YAP1: variants seen among roughly 807,000 people sequenced by gnomAD.
The protein encoded by YAP1 is transcriptional coactivator YAP1.
Under a neutral mutation model 56.9 loss-of-function variants are expected in YAP1, and 5 were observed. The observed-to-expected ratio is 0.09, with a 90% CI of 0.05 to 0.18. The LOEUF is 0.18. Ranked by LOEUF, YAP1 falls within the 10% of genes least tolerant of loss-of-function variation. YAP1 has a pLI of 1.00. For missense variants in YAP1, 539 were observed against 651.8 expected, an observed-to-expected ratio of 0.83 and a Z score of 1.88; for synonymous variants, 265 against 248.1, an observed-to-expected ratio of 1.07 and a Z score of -0.64.
intron 3 of YAP1, among the ~76,000 whole-genome samples, chr11:102,181,261 C>A (rs192307736): frequency 1.3e-5 from 2 of 151,486 alleles, no homozygotes; most frequent in East Asian, 3.9e-4. Context: ...CTGGCTAACA[C>A]GGTGAAACCC....
intron 2 of YAP1, among the ~76,000 whole-genome samples, chr11:102,161,924 G>A (rs1239945876): frequency 3.9e-5 from 6 of 152,194 alleles, no homozygotes; most frequent in Admixed American, 3.9e-4. Context: ...TTATTCAGGA[G>A]CCACAGGGGA....
Position 102,232,841 on chromosome 11 carries a change from A to C in YAP1, c.*2901A>C, listed in dbSNP as rs1263358948. 6.6e-6 allele frequency: 1 copy of C among 152,648 alleles called. No individual in the cohort carries two copies. Among genetic ancestry groups the C allele is most frequent in the Non-Finnish European group, 1.5e-5 (1 of 68,038 alleles). The allele number at this position is 152,648 out of a possible 1,614,324, so 9.5% of individuals were successfully genotyped here. On this transcript the variant is annotated 3_prime_UTR_variant, in exon 9 of 9. Coordinates refer to ENST00000282441, the MANE Select transcript of YAP1 (RefSeq NM_001130145.3). Reference sequence around the variant, plus strand: ...TTTGGAGTTTCAGATCTTCCAAAGCACTATTTGTTGTAATAACTTTTCTAA... The same window carrying C: ...TTTGGAGTTTCAGATCTTCCAAAGCCCTATTTGTTGTAATAACTTTTCTAA...
At chr11:102,120,658 T>C (rs936879031) in intron 2 of YAP1, among the ~76,000 whole-genome samples, 1 of 152,242 alleles carries the variant, frequency 6.6e-6, no homozygotes, top group Non-Finnish European at 1.5e-5. Flanking sequence ...CTTCTTCCAA[T>C]TGATTGCTTA....
At chr11:102,153,468 TGTCA>T (rs1290847746) in intron 2 of YAP1, among the ~76,000 whole-genome samples, 1 of 152,222 alleles carries the variant, frequency 6.6e-6, no homozygotes, top group Non-Finnish European at 1.5e-5. Context: ...TTCTTAGGTA[TGTCA>T]GTCTTCTCAC....
At chr11:102,162,205 T>C (rs1946328782) in intron 2 of YAP1, among the ~76,000 whole-genome samples, 1 of 152,238 alleles carries the variant, frequency 6.6e-6, no homozygotes. Flanking sequence ...TTGAAGATGA[T>C]TTCCTTTCAC....
chr11:102,221,212 G>C (rs1225290583), intron 6 of YAP1, among the ~76,000 whole-genome samples: 1 of 152,192 alleles, frequency 6.6e-6, no homozygotes, highest in Non-Finnish European at 1.5e-5. Context: ...GAGTAACGAA[G>C]AGATCAGTAA....
chr11:102,220,325 A>G (rs1158884917), intron 6 of YAP1, among the ~76,000 whole-genome samples: 2 of 152,158 alleles, frequency 1.3e-5, no homozygotes, highest in Non-Finnish European at 2.9e-5. Context: ...AAAACAAAAC[A>G]AAAAAACCAA....
chr11:102,185,893 A>T, intron 3 of YAP1, 125 bp from the exon 4 acceptor site: 1 of 980,900 alleles, frequency 1.0e-6, no homozygotes. Context: ...ACACAGCCTT[A>T]AATATGTTTC....
chr11:102,195,680 G>C (rs1048296164), intron 4 of YAP1, among the ~76,000 whole-genome samples: 1 of 152,196 alleles, frequency 6.6e-6, no homozygotes, highest in African/African-American at 2.4e-5. Context: ...CTGCTGCCAT[G>C]TGAAGGAGTA....
At chr11:102,173,700 T>C (rs572433165) in intron 3 of YAP1, among the ~76,000 whole-genome samples, 1 of 152,326 alleles carries the variant, frequency 6.6e-6, no homozygotes, top group African/African-American at 2.4e-5. Flanking sequence ...CTAATAAATA[T>C]TGGATCGATC....
At chr11:102,201,582 AT>A (rs1276828528) in intron 4 of YAP1, among the ~76,000 whole-genome samples, 1 of 152,188 alleles carries the variant, frequency 6.6e-6, no homozygotes, top group Non-Finnish European at 1.5e-5. Context: ...AGGAGATAAA[AT>A]TGCAAAGAAA....
At chr11:102,116,102 T>C (rs972929508) in intron 2 of YAP1, among the ~76,000 whole-genome samples, 5 of 152,220 alleles carry the variant, frequency 3.3e-5, no homozygotes, top group Admixed American at 1.3e-4. Context: ...GTATTCTAGA[T>C]ACAGTTGGCC....
chr11:102,193,183 A>G (rs1407821511), intron 4 of YAP1, among the ~76,000 whole-genome samples: 2 of 152,232 alleles, frequency 1.3e-5, no homozygotes, highest in South Asian at 2.1e-4. Context: ...AGACATACCA[A>G]TAGAGATTGT....
At chr11:102,150,619 C>A (rs75394043) in intron 2 of YAP1, among the ~76,000 whole-genome samples, 6,862 of 151,980 alleles carry the variant, frequency 0.045, 229 homozygotes, top group Admixed American at 0.097. Flanking sequence ...TTTTTAGCCC[C>A]CACATGTCTA....
intron 3 of YAP1, among the ~76,000 whole-genome samples, chr11:102,180,700 AAAG>A (rs1382096652): frequency 3.6e-4 from 55 of 151,018 alleles, no homozygotes; most frequent in East Asian, 9.7e-4. Context: ...AAAAAAAAAA[AAAG>A]AAGATCAAAA....
At chr11:102,208,428 G>T (rs1475884158) in intron 5 of YAP1, among the ~76,000 whole-genome samples, 1 of 152,038 alleles carries the variant, frequency 6.6e-6, no homozygotes. Flanking sequence ...ACCTTTAGAG[G>T]GTAGAGGGGA....
chr11:102,228,451 A>G (rs1457511506), intron 8 of YAP1, among the ~76,000 whole-genome samples: 3 of 152,044 alleles, frequency 2.0e-5, no homozygotes, highest in Middle Eastern at 6.8e-3. Flanking sequence ...CCTGGCCAAC[A>G]TGGTGAAACC....
At chr11:102,171,483 AT>A (rs1946895397) in intron 3 of YAP1, among the ~76,000 whole-genome samples, 2 of 152,240 alleles carry the variant, frequency 1.3e-5, no homozygotes, top group African/African-American at 4.8e-5. Context: ...TAAAATCTTA[AT>A]GAAAGGTATT....
In YAP1 at chr11:102,229,727, G is replaced by A; in HGVS notation, c.1302G>A (p.Leu434=). The change falls in exon 9 of 9, where the codon CTG becomes CTA. Residue 434 remains leucine (L), a synonymous_variant. Transcript: ENST00000282441. ...GTGATACTATCAACCAAAGCACCCT[G>A]CCCTCACAGCAGAACCGTTTCCCAG... ...DTGDTINQST[L]PSQQNRFPDY... is the part of the protein sequence containing the mutation. The A allele has an allele frequency of 1.2e-6, 2 of 1,614,058 alleles. No homozygotes were observed. Among genetic ancestry groups the A allele is most frequent in the Non-Finnish European group, 1.7e-6 (2 of 1,179,986 alleles).
Sources: gnomAD v4.1 joint callset for allele counts (sites outside exome capture counted in the v4.1 genomes callset) on GRCh38, gnomAD v4.1.1 for gene constraint, MANE v1.5 for transcripts, NCBI Gene and HGNC (gene_info 2026-07-23, HGNC 2026-07-21) for gene names.